ZFPM2: variants seen among roughly 807,000 people sequenced by gnomAD.
The protein encoded by ZFPM2 is zinc finger protein, FOG family member 2.
In ZFPM2, 20 loss-of-function variants were observed where a neutral mutation model predicts 98.6. That is an observed-to-expected ratio of 0.20 (90% confidence interval 0.14 to 0.29). ZFPM2 has a LOEUF of 0.29. ZFPM2 is among the 10% of genes least tolerant of loss of function. ZFPM2 has a pLI of 1.00. For missense variants in ZFPM2, 1,310 were observed against 1,388.6 expected (o/e 0.94, Z 0.90); for synonymous variants, 518 against 502.7 (o/e 1.03, Z -0.41).
At chr8:105,794,263 CCTTT>C (rs957513140) in intron 6 of ZFPM2, among the ~76,000 whole-genome samples, 46 of 152,170 alleles carry the variant, frequency 3.0e-4, no homozygotes, top group African/African-American at 1.1e-3. Context: ...GTGTGGATGT[CCTTT>C]CTGTTTGTTA....
At chr8:105,360,424 C>G (rs1812833976) in intron 1 of ZFPM2, among the ~76,000 whole-genome samples, 2 of 152,084 alleles carry the variant, frequency 1.3e-5, no homozygotes, top group Non-Finnish European at 2.9e-5. Flanking sequence ...CATTTTTTGG[C>G]AGATATAACA....
chr8:105,657,629 A>C (rs1220455840), intron 5 of ZFPM2, among the ~76,000 whole-genome samples: 2 of 152,190 alleles, frequency 1.3e-5, no homozygotes, highest in African/African-American at 2.4e-5. Context: ...AAAGGGAAAC[A>C]CATTTTTTGG....
intron 5 of ZFPM2, among the ~76,000 whole-genome samples, chr8:105,646,781 G>C (rs1817056383): frequency 6.6e-6 from 1 of 152,076 alleles, no homozygotes; most frequent in South Asian, 2.1e-4. Context: ...AGGAGAGTGG[G>C]ACCTGGTGGT....
chr8:105,705,555 A>G lies in ZFPM2; in HGVS notation c.532+71198A>G, dbSNP rs562081437. ...ATTCCTTCCTATTTGAAAGGTAGAT[A>G]TGACATATGGCAAATGAAGATAAAA... On this transcript the variant is annotated intron_variant, in intron 5 of 7. Transcript: ENST00000407775. 1.2e-4 allele frequency among the ~76,000 whole-genome samples: 19 copies of G among 152,316 alleles called. No individual in the cohort carries two copies. The South Asian group carries it at 3.7e-3, about 30-fold the overall frequency.
chr8:105,731,993 T>A (rs151275909), intron 5 of ZFPM2, among the ~76,000 whole-genome samples: 2 of 151,892 alleles, frequency 1.3e-5, no homozygotes, highest in African/African-American at 4.8e-5. Context: ...TAAGGTATAC[T>A]AAATGAACTT....
rs375546546 is a variant in ZFPM2, at chr8:105,569,738, G to A, written c.420+8257G>A. 2.6e-5 allele frequency among the ~76,000 whole-genome samples: 4 copies of A among 152,220 alleles called. No individual in the cohort carries two copies. The East Asian group carries it at 5.8e-4, about 22-fold the overall frequency. On this transcript the variant is annotated intron_variant, in intron 4 of 7. Coordinates refer to ENST00000407775, the MANE Select transcript of ZFPM2 (RefSeq NM_012082.4). ...ATCCCTCACTATGACATGGGTGAAG[G>A]CCAAGAAGGTGTTCTGCTCTACCAT...
intron 4 of ZFPM2, among the ~76,000 whole-genome samples, chr8:105,602,565 C>T (rs547312979): frequency 6.6e-6 from 1 of 152,064 alleles, no homozygotes; most frequent in South Asian, 2.1e-4. Flanking sequence ...GTTTATGTTC[C>T]AATAATGGTT....
chr8:105,466,821 C>A (rs1812804490), intron 3 of ZFPM2, among the ~76,000 whole-genome samples: 1 of 151,672 alleles, frequency 6.6e-6, no homozygotes, highest in Non-Finnish European at 1.5e-5. Flanking sequence ...AGGATACAGG[C>A]ATCTCATGGC....
chr8:105,552,595 G>A (rs945498498), intron 3 of ZFPM2, among the ~76,000 whole-genome samples: 6 of 152,056 alleles, frequency 3.9e-5, no homozygotes, highest in African/African-American at 1.4e-4. Context: ...ACATTTGCAA[G>A]AGCTAGTCAC....
intron 5 of ZFPM2, among the ~76,000 whole-genome samples, chr8:105,661,060 G>A (rs1405472625): frequency 2.6e-5 from 4 of 152,088 alleles, no homozygotes; most frequent in Admixed American, 6.5e-5. Context: ...AAATTCAAAC[G>A]CAGAAAAATG....
At chr8:105,522,471 G>A (rs1224802825) in intron 3 of ZFPM2, among the ~76,000 whole-genome samples, 2 of 152,108 alleles carry the variant, frequency 1.3e-5, no homozygotes, top group East Asian at 1.9e-4. Context: ...GTTAAGATGA[G>A]CATTGAAAAT....
chr8:105,532,406 C>A (rs969543020), intron 3 of ZFPM2, among the ~76,000 whole-genome samples: 2 of 152,076 alleles, frequency 1.3e-5, no homozygotes, highest in Admixed American at 6.6e-5. Context: ...TTTCTGCCAT[C>A]AAGTAGTAAT....
At chr8:105,779,400 A>G (rs1039746663) in intron 5 of ZFPM2, among the ~76,000 whole-genome samples, 2 of 152,210 alleles carry the variant, frequency 1.3e-5, no homozygotes, top group African/African-American at 2.4e-5. Context: ...GCGTCTATCA[A>G]TCACACAGAT....
chr8:105,320,355 T>G (rs1477175647), intron 1 of ZFPM2, among the ~76,000 whole-genome samples: 2 of 151,718 alleles, frequency 1.3e-5, no homozygotes, highest in Admixed American at 1.3e-4. Context: ...TCTCTTATAC[T>G]TCAGTTCTCA....
intron 5 of ZFPM2, among the ~76,000 whole-genome samples, chr8:105,654,120 G>T (rs1364005208): frequency 1.3e-5 from 2 of 151,448 alleles, no homozygotes; most frequent in African/African-American, 2.4e-5. Flanking sequence ...TGCTAAATAA[G>T]TACTTAGGGG....
intron 3 of ZFPM2, among the ~76,000 whole-genome samples, chr8:105,445,920 C>A (rs2130227381): frequency 6.7e-6 from 1 of 149,770 alleles, no homozygotes. Context: ...CTTTTCTTTT[C>A]TTTTTTCTTT....
At chr8:105,706,489 T>C (rs1424533399) in intron 5 of ZFPM2, among the ~76,000 whole-genome samples, 3 of 152,154 alleles carry the variant, frequency 2.0e-5, no homozygotes, top group African/African-American at 7.2e-5. Context: ...AACTGTGATA[T>C]GGTATGTGTT....
chr8:105,341,835 C>CA (rs1812436140), intron 1 of ZFPM2, among the ~76,000 whole-genome samples: 1 of 151,960 alleles, frequency 6.6e-6, no homozygotes, highest in Admixed American at 6.6e-5. Context: ...GTGGTGAACA[C>CA]AAAGCATCTA....
chr8:105,736,899 T>C (rs1812085828), intron 5 of ZFPM2, among the ~76,000 whole-genome samples: 1 of 152,090 alleles, frequency 6.6e-6, no homozygotes, highest in Non-Finnish European at 1.5e-5. Flanking sequence ...TCAGTTTCTC[T>C]TCATATTGAA....
Sources: allele counts gnomAD v4.1 joint callset (sites outside exome capture counted in the v4.1 genomes callset), GRCh38; gene constraint gnomAD v4.1.1; transcripts MANE v1.5; gene names NCBI Gene and HGNC (gene_info 2026-07-23, HGNC 2026-07-21).